ZSWIM7: variants seen among roughly 807,000 people sequenced by gnomAD.
The protein encoded by ZSWIM7 is zinc finger SWIM-type containing 7.
A neutral mutation model predicts 21.1 loss-of-function variants in ZSWIM7; 22 were observed. The observed-to-expected ratio is 1.04, with a 90% CI of 0.74 to 1.49. The LOEUF is 1.49. Ranked by LOEUF, ZSWIM7 falls within the 40% of genes most tolerant of loss-of-function variation. The pLI, the probability that ZSWIM7 is intolerant of heterozygous loss-of-function variation, is 0.00. For synonymous variants in ZSWIM7, 67 were observed against 66.5 expected (o/e 1.01, Z -0.04); for missense variants, 193 against 168.0 (o/e 1.15, Z -0.82).
At chr17:15,983,971 G>A (rs1970383734) in intron 3 of ZSWIM7, among the ~76,000 whole-genome samples, 1 of 152,050 alleles carries the variant, frequency 6.6e-6, no homozygotes, top group Non-Finnish European at 1.5e-5. Context: ...CTTCTCTCTA[G>A]ATTTAAACTT....
chr17:15,987,898 C>T (rs1970434826), intron 2 of ZSWIM7, among the ~76,000 whole-genome samples: 1 of 152,124 alleles, frequency 6.6e-6, no homozygotes, highest in Non-Finnish European at 1.5e-5. Context: ...GTGTGAGCCA[C>T]TGCGCCTGGC....
At chr17:15,979,949 G>A (rs1268748704) in intron 4 of ZSWIM7, among the ~76,000 whole-genome samples, 1 of 133,186 alleles carries the variant, frequency 7.5e-6, no homozygotes, top group Non-Finnish European at 1.6e-5. Flanking sequence ...GGCTGGCCGG[G>A]CAGAGGGGCT....
At chr17:15,998,466 TGA>T (rs1459334975) in intron 1 of ZSWIM7, among the ~76,000 whole-genome samples, 3 of 152,220 alleles carry the variant, frequency 2.0e-5, no homozygotes, top group Admixed American at 2.0e-4. Context: ...CCATCCAAGT[TGA>T]ATAAGCGATG....
intron 2 of ZSWIM7, among the ~76,000 whole-genome samples, chr17:15,991,668 TTTAA>T (rs1392211171): frequency 6.6e-6 from 1 of 152,240 alleles, no homozygotes; most frequent in East Asian, 1.9e-4. Flanking sequence ...TCCAGTAATA[TTTAA>T]TTCTTATTAA....
In ZSWIM7 at chr17:15,987,356, G is replaced by A; in HGVS notation, c.111C>T (p.Leu37=). ...PDEYLLSLKF[L]FGSSATQALD... Reference sequence around the variant, plus strand: ...AGGCCTGGGTGGCTGATGAGCCAAAGAGAAACTTCAGCCTGTGAAATAAAA... The same window carrying A: ...AGGCCTGGGTGGCTGATGAGCCAAAAAGAAACTTCAGCCTGTGAAATAAAA... The change falls in exon 3 of 5, where the codon CTC becomes CTT. Residue 37 remains leucine (L), a synonymous_variant. Transcript: ENST00000399277. 6.2e-7 allele frequency: 1 copy of A among 1,613,136 alleles called. No homozygotes were observed.
chr17:15,996,119 A>C (rs564249934), intron 1 of ZSWIM7, among the ~76,000 whole-genome samples: 6 of 152,304 alleles, frequency 3.9e-5, no homozygotes, highest in African/African-American at 1.4e-4. Flanking sequence ...CAGCCTGACT[A>C]ACATTTAGTA....
At chr17:15,981,228 G>T in intron 3 of ZSWIM7, 84 bp from the exon 4 acceptor site, 2 of 967,118 alleles carry the variant, frequency 2.1e-6, no homozygotes, top group Non-Finnish European at 3.1e-6. Context: ...TAGACTCAGA[G>T]TTGCTCTGCA....
chr17:15,979,868 G>A (rs1404432310), intron 4 of ZSWIM7, among the ~76,000 whole-genome samples: 2 of 80,952 alleles, frequency 2.5e-5, no homozygotes, highest in African/African-American at 6.9e-5. Context: ...GGCTGGCCGG[G>A]CGGGGGGCTG....
chr17:15,992,909 G>T (rs566325929), intron 2 of ZSWIM7, among the ~76,000 whole-genome samples: 4 of 151,604 alleles, frequency 2.6e-5, no homozygotes, highest in Middle Eastern at 3.2e-3. Flanking sequence ...ATGGAATTTT[G>T]CTCGTTACTT....
At chr17:15,983,396 T>C (rs1441264279) in intron 3 of ZSWIM7, among the ~76,000 whole-genome samples, 1 of 145,202 alleles carries the variant, frequency 6.9e-6, no homozygotes, top group African/African-American at 2.6e-5. Context: ...AAATTAGGTG[T>C]TGAAAAAGCA....
intron 3 of ZSWIM7, 114 bp from the exon 4 acceptor site, chr17:15,981,258 G>C (rs1970352014): frequency 1.5e-6 from 1 of 663,146 alleles, no homozygotes; most frequent in South Asian, 1.9e-5. Context: ...GAGAAGAACT[G>C]CAGTAATGTT....
intron 3 of ZSWIM7, among the ~76,000 whole-genome samples, chr17:15,982,645 AT>A (rs1289845583): frequency 2.0e-5 from 3 of 151,992 alleles, no homozygotes; most frequent in Non-Finnish European, 2.9e-5. Context: ...TTTTATTAAC[AT>A]TTTTTTTTAA....
intron 4 of ZSWIM7, 115 bp from the exon 5 acceptor site, chr17:15,978,278 T>G (rs1402308586): frequency 3.9e-6 from 3 of 761,134 alleles, no homozygotes; most frequent in Non-Finnish European, 6.9e-6. Flanking sequence ...GCATACAGAT[T>G]ACGGGGTCTC....
rs1970299679 is a variant in ZSWIM7 at position 15,977,995 on chromosome 17, G to C, written c.*52C>G. 2 of 1,379,586 alleles carry C rather than the reference G, an allele frequency of 1.4e-6. No individual in the cohort carries two copies. The highest frequency in any genetic ancestry group is 1.4e-5 in the African/African-American group (1 of 70,366). The allele number at this position is 1,379,586 out of a possible 1,614,324, so 85.5% of individuals were successfully genotyped here. ...CCATGTGAATCATGACGCTTTCAAT[G>C]CATTTCTTGACAGGATTCTATTTTG... On this transcript the variant is annotated 3_prime_UTR_variant, in exon 5 of 5. Transcript: ENST00000399277.
chr17:15,984,101 TTGAGA>T (rs1970384773), intron 3 of ZSWIM7, among the ~76,000 whole-genome samples: 2 of 151,718 alleles, frequency 1.3e-5, no homozygotes, highest in South Asian at 4.2e-4. Flanking sequence ...AGCTGGTGAC[TTGAGA>T]TGGGGAGAAA....
intron 2 of ZSWIM7, among the ~76,000 whole-genome samples, chr17:15,988,079 C>CTATATATAGAATTATATATAGAAT (rs1349240314): frequency 3.9e-5 from 6 of 152,032 alleles, no homozygotes; most frequent in Non-Finnish European, 7.4e-5. Context: ...ATATATAGAA[C>CTATATATAGAATTATATATAGAAT]ATATGTATGC....
rs556274582 is a variant in ZSWIM7, at chr17:15,989,022, A to C, written c.99-1654T>G. On this transcript the variant is annotated intron_variant, in intron 2 of 4. Transcript: ENST00000399277. ...GTAACAGGGAGACTCCGTCTCAAAA[A>C]AAAAATAAATGAAACAAACAAACAG... is the stretch of plus-strand genomic sequence containing the variant. Among the ~76,000 whole-genome samples, 3 of 152,338 alleles carry C rather than the reference A, an allele frequency of 2.0e-5. No homozygotes were observed. In the East Asian group the frequency reaches 5.8e-4, roughly 29 times the overall value.
chr17:15,996,086 C>T (rs1970550371), intron 1 of ZSWIM7, among the ~76,000 whole-genome samples: 1 of 152,098 alleles, frequency 6.6e-6, no homozygotes, highest in Non-Finnish European at 1.5e-5. Flanking sequence ...AGAAAAAGAA[C>T]TTTTTCAGCC....
At chr17:15,998,534 A>C (rs1281709495) in intron 1 of ZSWIM7, among the ~76,000 whole-genome samples, 1 of 152,160 alleles carries the variant, frequency 6.6e-6, no homozygotes, top group Non-Finnish European at 1.5e-5. Flanking sequence ...TTTACATCCT[A>C]AGAGTAGTTC....
Sources: gnomAD v4.1 joint callset for allele counts (sites outside exome capture counted in the v4.1 genomes callset) on GRCh38, gnomAD v4.1.1 for gene constraint, MANE v1.5 for transcripts, NCBI Gene and HGNC (gene_info 2026-07-23, HGNC 2026-07-21) for gene names.